The following DIP2C variants were observed in gnomAD, a reference collection of about 807,000 sequenced individuals.
The protein encoded by DIP2C is disco-interacting protein 2 homolog C.
In DIP2C, 33 loss-of-function variants were observed where a neutral mutation model predicts 192.4. The ratio of observed to expected loss-of-function variants is 0.17; its 90% CI spans 0.13 to 0.23. The LOEUF (loss-of-function observed/expected upper bound fraction) is 0.23. Among genes scored for constraint, DIP2C ranks in the 10% least tolerant of loss-of-function variants. DIP2C has a pLI of 1.00. For missense variants in DIP2C, 1,537 were observed against 2,110.1 expected, an observed-to-expected ratio of 0.73 and a Z score of 5.32; for synonymous variants, 979 against 864.1, an observed-to-expected ratio of 1.13 and a Z score of -2.33.
At chr10:604,117 C>T (rs547638349) in intron 1 of DIP2C, among the ~76,000 whole-genome samples, 1 of 151,622 alleles carries the variant, frequency 6.6e-6, no homozygotes, top group Admixed American at 6.6e-5. Flanking sequence ...CTCATCAAGG[C>T]ATGTGTGTGA....
Position 613,715 on chromosome 10 carries a change from C to T in DIP2C, c.85+75779G>A, listed in dbSNP as rs571822643. Among the ~76,000 whole-genome samples, 5 of 152,262 alleles carry T rather than the reference C, an allele frequency of 3.3e-5. No homozygotes were observed. The East Asian group carries it at 9.6e-4, about 29-fold the overall frequency. ...AGAACTGTTGCCCAGGAATGGAGTT[C>T]AACAGATCCTCTCCACACCCTGGTA... On this transcript the variant is annotated intron_variant, in intron 1 of 36. Coordinates refer to ENST00000280886, the MANE Select transcript of DIP2C (RefSeq NM_014974.3).
chr10:578,093 C>G (rs2131564833), intron 1 of DIP2C, among the ~76,000 whole-genome samples: 1 of 152,334 alleles, frequency 6.6e-6, no homozygotes, highest in South Asian at 2.1e-4. Context: ...ATGTTTTGCA[C>G]AAAGTCCTTA....
At chr10:609,639 TAG>T (rs1564266210) in intron 1 of DIP2C, among the ~76,000 whole-genome samples, 1 of 152,232 alleles carries the variant, frequency 6.6e-6, no homozygotes, top group Non-Finnish European at 1.5e-5. Context: ...AGTCTGTGGT[TAG>T]AGTATTTAAC....
chr10:363,342 C>T lies in DIP2C; in HGVS notation c.2478-31G>A, dbSNP rs558228579. ...GGGACACAGGAGCATGGTGAGCACG[C>T]GCCGGGGACGCTCATGCAGCCCTCC... On this transcript the variant is annotated intron_variant, in intron 20 of 36. Transcript: ENST00000280886. The surrounding 1 kb of genome is among the most constrained non-coding windows in gnomAD (Gnocchi z 5.4). The T allele has an allele frequency of 1.8e-4, 279 of 1,591,772 alleles. 2 individuals carry two copies. In the South Asian group the frequency reaches 2.5e-3, roughly 14 times the overall value.
intron 11 of DIP2C, 43 bp downstream of exon 11, chr10:390,697 A>G (rs1336407444): frequency 6.3e-7 from 1 of 1,591,614 alleles, no homozygotes; most frequent in Non-Finnish European, 8.6e-7. Context: ...GTCTTCTGAC[A>G]AAGGACGTGG....
rs539584685 is a variant in DIP2C, at chr10:578,312, G to A, written c.86-91782C>T. Among the ~76,000 whole-genome samples, 49 of 152,168 alleles carry A rather than the reference G, an allele frequency of 3.2e-4. 1 individual carries two copies. Among genetic ancestry groups the A allele is most frequent in the Non-Finnish European group, 5.9e-4 (40 of 68,030 alleles). ...GAACACAAGGCAGTAAATACTCCAC[G>A]AATAAAGAACAGTAGAAAATGAACA... On this transcript the variant is annotated intron_variant, in intron 1 of 36. Coordinates refer to ENST00000280886, the MANE Select transcript of DIP2C (RefSeq NM_014974.3).
intron 1 of DIP2C, among the ~76,000 whole-genome samples, chr10:591,524 C>T (rs995659914): frequency 1.3e-5 from 2 of 152,202 alleles, no homozygotes; most frequent in African/African-American, 4.8e-5. Context: ...ACCAGTTACC[C>T]ATTTGAAGTA....
At chr10:605,703 T>C (rs925941704) in intron 1 of DIP2C, among the ~76,000 whole-genome samples, 2 of 152,156 alleles carry the variant, frequency 1.3e-5, no homozygotes, top group African/African-American at 4.8e-5. Flanking sequence ...AACTACTCAA[T>C]CACCCACATT....
chr10:329,444 C>CT lies in DIP2C; in HGVS notation c.3741dup (p.Glu1248ArgfsTer37). ...AGGGAGCTGCTTACCTTGAGGGACT[C>CT]TGTTTGCGAGCCCAGCCCCTTGGTG... On this transcript the variant is annotated frameshift_variant, in exon 30 of 37. Transcript: ENST00000280886. LOFTEE classifies it high-confidence loss of function. 6.2e-7 allele frequency: 1 copy of CT among 1,613,516 alleles called. No homozygotes were observed. Among genetic ancestry groups the CT allele is most frequent in the Non-Finnish European group, 8.5e-7 (1 of 1,179,706 alleles).
intron 1 of DIP2C, among the ~76,000 whole-genome samples, chr10:671,042 G>A (rs1451808938): frequency 6.6e-6 from 1 of 152,218 alleles, no homozygotes; most frequent in Non-Finnish European, 1.5e-5. Context: ...CTGCCCCGAG[G>A]CCGCTTCAGG....
rs1256642337 is a variant in DIP2C, at chr10:362,701, TAATA to T, written c.2593-14_2593-11del. The T allele has an allele frequency of 3.1e-6, 5 of 1,595,188 alleles. No individual in the cohort carries two copies. The highest frequency in any genetic ancestry group is 1.7e-5 in the Admixed American group (1 of 57,322). ...GTATACTGTCAATCGCCTAGAAAGT[TAATA>T]AAGAGGAAATCATGTTATAAGAGGA... On this transcript the variant is annotated splice_polypyrimidine_tract_variant and intron_variant, in intron 21 of 36. Coordinates refer to ENST00000280886, the MANE Select transcript of DIP2C (RefSeq NM_014974.3).
At chr10:420,388 A>G (rs1966102173) in intron 5 of DIP2C, among the ~76,000 whole-genome samples, 1 of 152,170 alleles carries the variant, frequency 6.6e-6, no homozygotes, top group South Asian at 2.1e-4. Flanking sequence ...AATGCCGTTC[A>G]CTGGGAACCC....
intron 32 of DIP2C, among the ~76,000 whole-genome samples, chr10:297,304 C>T (rs1172423028): frequency 1.4e-5 from 2 of 140,204 alleles, no homozygotes; most frequent in African/African-American, 2.6e-5. Context: ...ACCATACGAT[C>T]CAACAATCCC....
At chr10:320,953 G>A (rs933097745) in intron 31 of DIP2C, among the ~76,000 whole-genome samples, 1 of 152,176 alleles carries the variant, frequency 6.6e-6, no homozygotes, top group Admixed American at 6.5e-5. Context: ...GAGGGGACCC[G>A]GGCGGAGCAG....
intron 17 of DIP2C, among the ~76,000 whole-genome samples, chr10:374,531 A>C (rs1961344968): frequency 6.6e-6 from 1 of 152,252 alleles, no homozygotes; most frequent in South Asian, 2.1e-4. Context: ...ACCCAAAGCC[A>C]CTGCTGTGGA....
At chr10:431,210 T>G (rs1285051862) in intron 4 of DIP2C, among the ~76,000 whole-genome samples, 1 of 152,194 alleles carries the variant, frequency 6.6e-6, no homozygotes, top group African/African-American at 2.4e-5. Flanking sequence ...TCTCTCCAAA[T>G]AAACTTTTGA....
chr10:548,911 CAAAAAAA>C (rs61437915), intron 1 of DIP2C, among the ~76,000 whole-genome samples: 540 of 26,478 alleles, frequency 0.02, 4 homozygotes, highest in African/African-American at 0.031. Context: ...TAGCAGCTCA[CAAAAAAA>C]AAAAAAAAAA....
At chr10:435,290 T>A (rs927737184) in intron 4 of DIP2C, among the ~76,000 whole-genome samples, 1 of 152,232 alleles carries the variant, frequency 6.6e-6, no homozygotes, top group African/African-American at 2.4e-5. Context: ...CTAGCTTCTC[T>A]GGAAGGTAGA....
At chr10:654,116 C>T (rs147980406) in intron 1 of DIP2C, among the ~76,000 whole-genome samples, 1 of 152,326 alleles carries the variant, frequency 6.6e-6, no homozygotes, top group African/African-American at 2.4e-5. Context: ...GCAGTGGCGT[C>T]AGGGAATTCT....
Sources: allele counts gnomAD v4.1 joint callset (sites outside exome capture counted in the v4.1 genomes callset), GRCh38; gene constraint gnomAD v4.1.1; non-coding constraint Gnocchi (gnomAD v3.1); transcripts MANE v1.5; gene names NCBI Gene and HGNC (gene_info 2026-07-23, HGNC 2026-07-21).